Variants in SND1 observed in about 807,000 individuals in gnomAD.
The protein encoded by SND1 is staphylococcal nuclease and tudor domain containing 1.
A neutral mutation model predicts 121.7 loss-of-function variants in SND1; 38 were observed. That is an observed-to-expected ratio of 0.31 (90% CI 0.24 to 0.41). The LOEUF (loss-of-function observed/expected upper bound fraction) is 0.41, where lower values mean the gene tolerates loss of function less well. Among genes scored for constraint, SND1 ranks in the 10% least tolerant of loss-of-function variants. The pLI is 1.00. For synonymous variants in SND1, 401 were observed against 447.4 expected (o/e 0.90, Z 1.31); for missense variants, 868 against 1,184.6 (o/e 0.73, Z 3.92).
At chr7:127,683,508 C>T (rs1795762740) in intron 1 of SND1, among the ~76,000 whole-genome samples, 1 of 152,220 alleles carries the variant, frequency 6.6e-6, no homozygotes, top group South Asian at 2.1e-4. Flanking sequence ...TGAGCCATTG[C>T]ACCCAGCCTG....
chr7:128,029,462 G>A lies in SND1; in HGVS notation c.1779+38406G>A. On this transcript the variant is annotated intron_variant, in intron 16 of 23. Transcript: ENST00000354725. This position sits in a 1 kb window ranked among gnomAD's most constrained non-coding sequence, Gnocchi z 4.2. ...AGATCCTTGGGTGGCGGGAGGCGTG[G>A]CTGAGCACTGTCCCATTGGGCAGCA... 6.2e-7 allele frequency: 1 copy of A among 1,614,208 alleles called. No homozygotes were observed. The highest frequency in any genetic ancestry group is 8.5e-7 in the Non-Finnish European group (1 of 1,180,044).
intron 11 of SND1, among the ~76,000 whole-genome samples, chr7:127,838,254 A>G (rs770350396): frequency 1.3e-5 from 2 of 152,218 alleles, no homozygotes; most frequent in Non-Finnish European, 2.9e-5. Flanking sequence ...ACTAGGGGCA[A>G]GGAGAATGAG....
At chr7:127,882,387 G>A (rs1161795464) in intron 12 of SND1, among the ~76,000 whole-genome samples, 1 of 139,820 alleles carries the variant, frequency 7.2e-6, no homozygotes, top group Admixed American at 7.1e-5. Context: ...AGGGAGGAAG[G>A]GAGGGAGGGA....
At chr7:128,000,415 T>C in intron 16 of SND1, among the ~76,000 whole-genome samples, 1 of 149,106 alleles carries the variant, frequency 6.7e-6, no homozygotes, top group Non-Finnish European at 1.5e-5. Context: ...TCGCCCAGGC[T>C]GGAATGCAGT....
intron 1 of SND1, among the ~76,000 whole-genome samples, chr7:127,684,796 A>G (rs896817829): frequency 6.6e-6 from 1 of 152,194 alleles, no homozygotes; most frequent in African/African-American, 2.4e-5. Context: ...GCCATGGTAT[A>G]TAACCAGGGA....
intron 11 of SND1, among the ~76,000 whole-genome samples, chr7:127,820,542 A>G (rs892776000): frequency 6.6e-6 from 1 of 152,212 alleles, no homozygotes; most frequent in Admixed American, 6.5e-5. Context: ...GGCAAATGGT[A>G]ATAAGATCAC....
intron 9 of SND1, among the ~76,000 whole-genome samples, chr7:127,709,389 G>A (rs935610462): frequency 6.6e-6 from 1 of 152,174 alleles, no homozygotes; most frequent in African/African-American, 2.4e-5. Context: ...ATGTAGATGA[G>A]GCATGTGAGG....
At chr7:128,081,679 C>T (rs553605419) in intron 18 of SND1, among the ~76,000 whole-genome samples, 178 bp downstream of exon 18, 2 of 152,344 alleles carry the variant, frequency 1.3e-5, no homozygotes, top group East Asian at 1.9e-4. Flanking sequence ...CTCCTCTGGG[C>T]TTGGAGTTAC....
At chr7:128,090,962 G>A (rs1056009703) in intron 22 of SND1, among the ~76,000 whole-genome samples, 6 of 152,048 alleles carry the variant, frequency 3.9e-5, no homozygotes, top group South Asian at 4.1e-4. Flanking sequence ...TCCTTCTGCC[G>A]CAGTCCCTGA....
chr7:127,925,762 C>T (rs151152897), intron 14 of SND1, among the ~76,000 whole-genome samples: 1 of 151,870 alleles, frequency 6.6e-6, no homozygotes, highest in Non-Finnish European at 1.5e-5. Context: ...CCCTGCTATA[C>T]CCAACTAATT....
intron 11 of SND1, among the ~76,000 whole-genome samples, chr7:127,835,870 G>C (rs571054437): frequency 3.3e-5 from 5 of 152,120 alleles, no homozygotes; most frequent in African/African-American, 1.2e-4. Context: ...ATTTACTTCC[G>C]TATAGAAACT....
chr7:127,760,006 A>G (rs979019065), intron 10 of SND1, among the ~76,000 whole-genome samples: 1 of 152,072 alleles, frequency 6.6e-6, no homozygotes, highest in Non-Finnish European at 1.5e-5. Flanking sequence ...TGCTCGACAT[A>G]CTTGGGCTCT....
At chr7:127,752,495 G>T (rs756261670) in intron 10 of SND1, among the ~76,000 whole-genome samples, 10 of 152,248 alleles carry the variant, frequency 6.6e-5, no homozygotes, top group Non-Finnish European at 1.2e-4. Flanking sequence ...GGTTGTTCCA[G>T]TGGTAGTGCT....
At chr7:127,751,196 C>T (rs1041933325) in intron 10 of SND1, among the ~76,000 whole-genome samples, 1 of 152,042 alleles carries the variant, frequency 6.6e-6, no homozygotes, top group African/African-American at 2.4e-5. Context: ...AGTCTTCCCT[C>T]TCTTGTTGAA....
intron 10 of SND1, among the ~76,000 whole-genome samples, chr7:127,780,887 T>C (rs1474413700): frequency 6.6e-6 from 1 of 152,242 alleles, no homozygotes; most frequent in Non-Finnish European, 1.5e-5. Context: ...GGCTGAAAAG[T>C]GAATTCTTTA....
chr7:128,036,625 T>G (rs1437142920), intron 16 of SND1, among the ~76,000 whole-genome samples: 2 of 152,228 alleles, frequency 1.3e-5, no homozygotes, highest in Non-Finnish European at 2.9e-5. Context: ...GGTAAAGAGA[T>G]AGAATGGAGA....
At chr7:127,961,201 C>T (rs1362267) in intron 15 of SND1, among the ~76,000 whole-genome samples, 131,650 of 152,270 alleles carry the variant, frequency 0.86, 57,154 homozygotes, top group African/African-American at 0.91. Flanking sequence ...AATATATACA[C>T]ACCTGCTTCA....
chr7:128,009,014 G>T (rs1178979937), intron 16 of SND1, among the ~76,000 whole-genome samples: 1 of 152,130 alleles, frequency 6.6e-6, no homozygotes. Flanking sequence ...TGTCAGGACT[G>T]TAGAATTCAA....
At chr7:127,782,778 G>T (rs1231708463) in intron 10 of SND1, among the ~76,000 whole-genome samples, 1 of 152,152 alleles carries the variant, frequency 6.6e-6, no homozygotes, top group Non-Finnish European at 1.5e-5. Context: ...TAGCTGTAGT[G>T]GGGGCAGGGA....
Sources: allele counts gnomAD v4.1 joint callset (sites outside exome capture counted in the v4.1 genomes callset), GRCh38; gene constraint gnomAD v4.1.1; non-coding constraint Gnocchi (gnomAD v3.1); transcripts MANE v1.5; gene names NCBI Gene and HGNC (gene_info 2026-07-23, HGNC 2026-07-21).